PCDH11X: variants seen among roughly 807,000 people sequenced by gnomAD.
PCDH11X encodes protocadherin 11 X-linked.
A neutral mutation model predicts 53.3 loss-of-function variants in PCDH11X; 18 were observed. The ratio of observed to expected loss-of-function variants is 0.34; its 90% CI spans 0.23 to 0.50. The LOEUF (loss-of-function observed/expected upper bound fraction) is 0.50. Ranked by LOEUF, PCDH11X falls within the 20% of genes least tolerant of loss-of-function variation. PCDH11X has a pLI of 0.98. For synonymous variants in PCDH11X, 279 were observed against 393.3 expected (o/e 0.71, Z 3.44); for missense variants, 570 against 1,032.4 (o/e 0.55, Z 6.14).
chrX:92,082,651 G>A (rs993909364), intron 6 of PCDH11X, among the ~76,000 whole-genome samples: 4 of 108,757 alleles, frequency 3.7e-5, no homozygotes, highest in Non-Finnish European at 7.7e-5. Context: ...ACATGACTAA[G>A]AGCCTACAAA....
At chrX:92,329,688 C>T (rs765447705) in intron 8 of PCDH11X, among the ~76,000 whole-genome samples, 99 of 111,056 alleles carry the variant, frequency 8.9e-4, no homozygotes, top group Non-Finnish European at 1.7e-3. Context: ...CATGGATAGA[C>T]GTGGAGGTTA....
intron 5 of PCDH11X, among the ~76,000 whole-genome samples, chrX:91,839,277 G>A (rs1031912849): frequency 5.5e-5 from 6 of 109,333 alleles, no homozygotes; most frequent in Non-Finnish European, 1.1e-4. Context: ...AACCTTCAGA[G>A]CAGGATCACT....
At chrX:92,278,301 CAGG>C (rs1247824099) in intron 8 of PCDH11X, among the ~76,000 whole-genome samples, 1 of 111,591 alleles carries the variant, frequency 9.0e-6, no homozygotes, top group Non-Finnish European at 1.9e-5. Context: ...GAGCAAAAAG[CAGG>C]AGGACAGGGG....
At chrX:92,105,918 C>T (rs1436310003) in intron 6 of PCDH11X, among the ~76,000 whole-genome samples, 2 of 111,476 alleles carry the variant, frequency 1.8e-5, no homozygotes, top group Non-Finnish European at 3.8e-5. Flanking sequence ...AGGCCTGACA[C>T]TTCCCTCTAC....
At chrX:92,530,068 A>T (rs945186173) in intron 10 of PCDH11X, among the ~76,000 whole-genome samples, 21 of 107,652 alleles carry the variant, frequency 2.0e-4, no homozygotes, top group South Asian at 4.2e-4. Flanking sequence ...TCTGATGAAA[A>T]GAAAAGAAAC....
chrX:92,431,394 A>G (rs1431066135), intron 9 of PCDH11X, among the ~76,000 whole-genome samples: 1 of 110,760 alleles, frequency 9.0e-6, no homozygotes, highest in East Asian at 2.9e-4. Flanking sequence ...GGAAGTATGA[A>G]GGACTTACAA....
chrX:92,531,069 TA>T (rs766761540), intron 10 of PCDH11X, among the ~76,000 whole-genome samples: 19 of 111,005 alleles, frequency 1.7e-4, no homozygotes, highest in Non-Finnish European at 3.4e-4. Context: ...TTAAACCACA[TA>T]AAAAATCAAC....
chrX:92,613,534 T>G (rs1277612332), intron 10 of PCDH11X, among the ~76,000 whole-genome samples: 1 of 95,388 alleles, frequency 1.0e-5, no homozygotes, highest in East Asian at 3.2e-4. Flanking sequence ...GTTTTTTTGT[T>G]GTTGTTGTTG....
intron 8 of PCDH11X, among the ~76,000 whole-genome samples, chrX:92,381,623 T>C (rs1315781737): frequency 1.8e-5 from 2 of 111,980 alleles, no homozygotes; most frequent in Non-Finnish European, 3.8e-5. Flanking sequence ...AATGCCAGGT[T>C]TTTCCTCTTT....
Position 91,992,009 on chromosome X carries a change from G to A in PCDH11X, c.3033+112736G>A, listed in dbSNP as rs374645291. Among the ~76,000 whole-genome samples, 127 of 107,926 alleles carry A rather than the reference G, an allele frequency of 1.2e-3. 1 individual carries two copies. Among genetic ancestry groups the A allele is most frequent in the South Asian group, 6.1e-3 (15 of 2,460 alleles). 93.7% of individuals were successfully genotyped at this position (107,926 alleles called of 115,157 possible). Reference sequence around the variant, plus strand: ...ACTCTGCTTTATATTGCTTTTTTGCGTATTGTATAATTTTCTTAATGTCTG... The same window carrying A: ...ACTCTGCTTTATATTGCTTTTTTGCATATTGTATAATTTTCTTAATGTCTG... On this transcript the variant is annotated intron_variant, in intron 6 of 10. Transcript: ENST00000682573.
At chrX:92,537,185 C>G (rs2074673794) in intron 10 of PCDH11X, among the ~76,000 whole-genome samples, 2 of 105,473 alleles carry the variant, frequency 1.9e-5, no homozygotes, top group Admixed American at 1.0e-4. Context: ...CCTGCAGAAG[C>G]TTTTTAACTT....
rs774353899 is a variant in PCDH11X, at chrX:92,020,653, A to G, written c.3033+141380A>G. On this transcript the variant is annotated intron_variant, in intron 6 of 10. Coordinates refer to ENST00000682573, the MANE Select transcript of PCDH11X (RefSeq NM_032968.5). ...AATCTGGGCAGCCCAGATAGGTGGG[A>G]TTCCCCCCAATAAAACACACTCCCT... 2.5e-3 allele frequency among the ~76,000 whole-genome samples: 275 copies of G among 108,970 alleles called. 2 individuals are homozygous for G. The highest frequency in any genetic ancestry group is 3.9e-3 in the Non-Finnish European group (205 of 52,864). The allele number at this position is 108,970 out of a possible 115,157, so 94.6% of individuals were successfully genotyped here. A position where few individuals can be genotyped will look rare whatever the true frequency, so the allele number is the denominator to read the frequency against.
At position 91,829,841 on chromosome X, in the gene PCDH11X, C is replaced by A. The variant is rs538488060; in HGVS notation, c.-44-5620C>A. The stretch of plus-strand genomic sequence containing the variant: ...ATAACTGATTTGAAATCACATAGAG[C>A]AATTCAAATACTACACCAAGTGGAA... On this transcript the variant is annotated intron_variant, in intron 4 of 10. Transcript: ENST00000682573. Among the ~76,000 whole-genome samples the A allele has an allele frequency of 9.9e-4, 110 of 111,397 alleles. No individual in the cohort carries two copies. The South Asian group carries it at 0.041, about 42-fold the overall frequency.
intron 6 of PCDH11X, among the ~76,000 whole-genome samples, chrX:91,923,286 G>C (rs960197625): frequency 5.3e-5 from 5 of 93,512 alleles, no homozygotes; most frequent in Non-Finnish European, 1.1e-4. Context: ...GTCTGTGAGG[G>C]TGTTGGCAAA....
chrX:91,832,384 A>C (rs188309149), intron 4 of PCDH11X, among the ~76,000 whole-genome samples: 2 of 107,005 alleles, frequency 1.9e-5, no homozygotes, highest in East Asian at 6.1e-4. Flanking sequence ...TCAGCAAACT[A>C]TTGCAAGGAC....
intron 5 of PCDH11X, among the ~76,000 whole-genome samples, chrX:91,871,715 A>C (rs1393658830): frequency 9.0e-6 from 1 of 111,567 alleles, no homozygotes; most frequent in Non-Finnish European, 1.9e-5. Flanking sequence ...AAAAGAAAAA[A>C]AAAACTTCTC....
chrX:92,490,758 AAG>A (rs1197056552), intron 10 of PCDH11X, among the ~76,000 whole-genome samples: 3 of 100,074 alleles, frequency 3.0e-5, no homozygotes, highest in Non-Finnish European at 5.9e-5. Context: ...GAAAGAAAGA[AAG>A]AGAAAGAAAG....
chrX:91,910,413 A>G (rs1303335973), intron 6 of PCDH11X, among the ~76,000 whole-genome samples: 1 of 111,044 alleles, frequency 9.0e-6, no homozygotes, highest in Non-Finnish European at 1.9e-5. Context: ...ACCACAAGAA[A>G]GCTTCAGTTT....
intron 5 of PCDH11X, among the ~76,000 whole-genome samples, chrX:91,858,286 T>G (rs925545394): frequency 5.4e-5 from 6 of 110,621 alleles, no homozygotes; most frequent in Non-Finnish European, 7.6e-5. Context: ...AAACAATTAT[T>G]TTTTTCTCCT....
Sources: gnomAD v4.1 joint callset for allele counts (sites outside exome capture counted in the v4.1 genomes callset) on GRCh38, gnomAD v4.1.1 for gene constraint, MANE v1.5 for transcripts, NCBI Gene and HGNC (gene_info 2026-07-23, HGNC 2026-07-21) for gene names.